The following PPFIBP2 variants were observed in gnomAD, a reference collection of about 807,000 sequenced individuals.
The protein encoded by PPFIBP2 is PPFIB scaffold protein 2.
A neutral mutation model predicts 118.3 loss-of-function variants in PPFIBP2; 118 were observed. That is an observed-to-expected ratio of 1.00 (90% CI 0.86 to 1.16). The LOEUF is 1.16. PPFIBP2 is among the 50% of genes most tolerant of loss of function. PPFIBP2 has a pLI of 0.00. For missense variants in PPFIBP2, 1,195 were observed against 1,073.1 expected, an observed-to-expected ratio of 1.11 and a Z score of -1.59; for synonymous variants, 414 against 397.4, an observed-to-expected ratio of 1.04 and a Z score of -0.50.
At chr11:7,537,930 T>TGGTC (rs1851374628) in intron 1 of PPFIBP2, among the ~76,000 whole-genome samples, 1 of 96,168 alleles carries the variant, frequency 1.0e-5, no homozygotes, top group South Asian at 3.0e-4. Context: ...TGGCCTTGGT[T>TGGTC]GTGGCTGGTT....
chr11:7,644,713 G>A (rs1456816393), intron 17 of PPFIBP2, among the ~76,000 whole-genome samples: 3 of 152,146 alleles, frequency 2.0e-5, no homozygotes, highest in Non-Finnish European at 4.4e-5. Flanking sequence ...AGGGCCAGGT[G>A]TTTTGAAAAT....
chr11:7,653,259 A>T lies in PPFIBP2; in HGVS notation c.*41A>T, dbSNP rs147132206. ...CCCTCTGTGCACCCTGAGAGCTCAC[A>T]GTAACACTGTGTGTGTCACCATATA... On this transcript the variant is annotated 3_prime_UTR_variant, in exon 24 of 24. Transcript: ENST00000299492. 2 of 1,612,002 alleles carry T rather than the reference A, an allele frequency of 1.2e-6. No individual in the cohort carries two copies. The highest frequency in any genetic ancestry group is 8.5e-7 in the Non-Finnish European group (1 of 1,179,498).
At chr11:7,565,066 G>A (rs1454368547) in intron 2 of PPFIBP2, among the ~76,000 whole-genome samples, 10 of 99,356 alleles carry the variant, frequency 1.0e-4, no homozygotes, top group South Asian at 3.1e-4. Context: ...CTGTCTAAAC[G>A]TAGTTTATGG....
intron 17 of PPFIBP2, among the ~76,000 whole-genome samples, chr11:7,644,724 T>C (rs1852718383): frequency 6.6e-6 from 1 of 151,998 alleles, no homozygotes; most frequent in Admixed American, 6.5e-5. Flanking sequence ...TTTTGAAAAT[T>C]TTGCCTAAAA....
intron 2 of PPFIBP2, among the ~76,000 whole-genome samples, chr11:7,551,935 G>T (rs1413296799): frequency 6.6e-6 from 1 of 152,322 alleles, no homozygotes; most frequent in South Asian, 2.1e-4. Context: ...GGCCCTAAGT[G>T]TGGGTTGTGT....
chr11:7,637,811 C>G lies in PPFIBP2; in HGVS notation c.1237-1921C>G, dbSNP rs1156816378. Among the ~76,000 whole-genome samples the G allele has an allele frequency of 2.6e-5, 4 of 152,204 alleles. No homozygotes were observed. In the East Asian group the frequency reaches 7.7e-4, roughly 29 times the overall value. On this transcript the variant is annotated intron_variant, in intron 14 of 23. Transcript: ENST00000299492. ...AGAGCCCTTTCCATTGTCCTTGATT[C>G]CTTTTTGCTGTCTTTCTTACAGGTC...
rs74725299 is a variant in PPFIBP2, at chr11:7,598,000, C to T, written c.486+327C>T. ...CTCACCCTCATCCTGTGGGTGCCAT[C>T]TGGAGTTTTAGAAAGTCAATTCTCA... On this transcript the variant is annotated intron_variant, in intron 5 of 23. Transcript: ENST00000299492. 955 of 230,380 alleles carry T rather than the reference C, an allele frequency of 4.1e-3. 3 individuals carry two copies. Among genetic ancestry groups the T allele is most frequent in the African/African-American group, 0.02 (885 of 44,448 alleles). 14.3% of individuals were successfully genotyped at this position (230,380 alleles called of 1,614,324 possible). A position where few individuals can be genotyped will look rare whatever the true frequency, so the allele number is the denominator to read the frequency against.
At chr11:7,637,855 C>A (rs912450710) in intron 14 of PPFIBP2, among the ~76,000 whole-genome samples, 1 of 152,150 alleles carries the variant, frequency 6.6e-6, no homozygotes, top group Non-Finnish European at 1.5e-5. Context: ...CTTTTAAACC[C>A]CATCCTTGGG....
At chr11:7,546,029 T>C (rs1445581781) in intron 1 of PPFIBP2, among the ~76,000 whole-genome samples, 1 of 152,188 alleles carries the variant, frequency 6.6e-6, no homozygotes, top group African/African-American at 2.4e-5. Context: ...TTGGAGAACT[T>C]CCAGGTTGGT....
At chr11:7,571,124 A>G (rs1181865771) in intron 3 of PPFIBP2, among the ~76,000 whole-genome samples, 3 of 152,218 alleles carry the variant, frequency 2.0e-5, no homozygotes, top group East Asian at 3.8e-4. Flanking sequence ...CTGAATGAGC[A>G]GCCTCTGCTG....
At chr11:7,570,619 T>C (rs1418822444) in intron 3 of PPFIBP2, among the ~76,000 whole-genome samples, 2 of 152,140 alleles carry the variant, frequency 1.3e-5, no homozygotes, top group Non-Finnish European at 2.9e-5. Flanking sequence ...TAGGCCCTGT[T>C]TGGAACTGGG....
At chr11:7,622,167 G>A (rs1849427507) in intron 7 of PPFIBP2, among the ~76,000 whole-genome samples, 1 of 152,220 alleles carries the variant, frequency 6.6e-6, no homozygotes, top group South Asian at 2.1e-4. Context: ...TGAAGCCTCA[G>A]GGAGTTTTCA....
intron 20 of PPFIBP2, 44 bp downstream of exon 20, chr11:7,649,279 C>T: frequency 6.6e-7 from 1 of 1,504,406 alleles, no homozygotes; most frequent in Non-Finnish European, 9.2e-7. Context: ...CCTGTGAGCA[C>T]TCAGCTCACG....
chr11:7,648,674 G>T, intron 18 of PPFIBP2, 126 bp from the exon 19 acceptor site: 1 of 1,420,922 alleles, frequency 7.0e-7, no homozygotes, highest in Non-Finnish European at 9.8e-7. Flanking sequence ...GCTGCAGGTT[G>T]GCATCCCAGG....
At chr11:7,556,905 G>A (rs1056974338) in intron 2 of PPFIBP2, among the ~76,000 whole-genome samples, 3 of 152,196 alleles carry the variant, frequency 2.0e-5, no homozygotes, top group Admixed American at 1.3e-4. Flanking sequence ...CAGTTTCACT[G>A]TGTTGTTTCT....
At chr11:7,665,552 A>G in the PPFIBP2 span, 3 of 1,596,200 alleles carry the variant, frequency 1.9e-6, no homozygotes, top group South Asian at 2.3e-5. Flanking sequence ...CCAGCCTGAA[A>G]TGAAGGAGAT....
At chr11:7,633,283 CT>C (rs1851022019) in intron 12 of PPFIBP2, among the ~76,000 whole-genome samples, 1 of 152,184 alleles carries the variant, frequency 6.6e-6, no homozygotes, top group Non-Finnish European at 1.5e-5. Flanking sequence ...GCCTCCTGCT[CT>C]TAGAGTGAAT....
chr11:7,617,229 G>A lies in PPFIBP2; in HGVS notation c.619-3706G>A. Reference sequence around the variant, plus strand: ...TAGGGACCACCCTGAGGAGGTGGCGGCCAGCGACGGTGTGGCCGAGCCCCA... The same window carrying A: ...TAGGGACCACCCTGAGGAGGTGGCGACCAGCGACGGTGTGGCCGAGCCCCA... On this transcript the variant is annotated intron_variant, in intron 6 of 23. Coordinates refer to ENST00000299492, the MANE Select transcript of PPFIBP2 (RefSeq NM_003621.5). The A allele has an allele frequency of 3.0e-6, 3 of 985,452 alleles. No homozygotes were observed. The South Asian group carries it at 1.4e-4, about 46-fold the overall frequency. 61.0% of individuals were successfully genotyped at this position (985,452 alleles called of 1,614,324 possible).
intron 12 of PPFIBP2, among the ~76,000 whole-genome samples, chr11:7,633,628 G>A (rs1851067057): frequency 6.6e-6 from 1 of 152,192 alleles, no homozygotes; most frequent in South Asian, 2.1e-4. Flanking sequence ...ATGGTGCTGA[G>A]TCTCCAGAGC....
Sources: gnomAD v4.1 joint callset for allele counts (sites outside exome capture counted in the v4.1 genomes callset) on GRCh38, gnomAD v4.1.1 for gene constraint, MANE v1.5 for transcripts, NCBI Gene and HGNC (gene_info 2026-07-23, HGNC 2026-07-21) for gene names.